CFAP54: variants seen among roughly 807,000 people sequenced by gnomAD.
CFAP54 encodes the protein cilia and flagella associated protein 54.
Under a neutral mutation model 370.4 loss-of-function variants are expected in CFAP54, and 290 were observed. The observed-to-expected ratio is 0.78, with a 90% CI of 0.71 to 0.86. CFAP54 has a LOEUF of 0.86. CFAP54 is among the 40% of genes least tolerant of loss of function. The probability of loss-of-function intolerance (pLI) is 0.00; values close to 1 mark genes in which losing one functional copy is unlikely to be tolerated. For missense variants in CFAP54, 3,399 were observed against 3,528.7 expected, an observed-to-expected ratio of 0.96 and a Z score of 0.93; for synonymous variants, 1,206 against 1,236.5, an observed-to-expected ratio of 0.98 and a Z score of 0.52.
chr12:96,555,215 C>T (rs766247380), intron 17 of CFAP54, among the ~76,000 whole-genome samples: 18 of 151,878 alleles, frequency 1.2e-4, no homozygotes, highest in Non-Finnish European at 1.3e-4. Flanking sequence ...GGGGTGGGCT[C>T]AGAGTATTAT....
intron 8 of CFAP54, among the ~76,000 whole-genome samples, chr12:96,526,751 T>C (rs1016721413): frequency 2.0e-5 from 3 of 152,182 alleles, no homozygotes; most frequent in Non-Finnish European, 4.4e-5. Flanking sequence ...TTTGATGTAA[T>C]GGCAGCATGA....
At chr12:96,612,645 T>G (rs533844946) in intron 26 of CFAP54, among the ~76,000 whole-genome samples, 121 of 152,150 alleles carry the variant, frequency 8.0e-4, no homozygotes, top group African/African-American at 2.7e-3. Flanking sequence ...AGGAGACCCA[T>G]CTCACATGCG....
chr12:96,502,273 C>T (rs1290726736), intron 2 of CFAP54, among the ~76,000 whole-genome samples: 2 of 151,592 alleles, frequency 1.3e-5, no homozygotes, highest in South Asian at 2.1e-4. Flanking sequence ...GGAATGTTGG[C>T]CAGGCTGGGC....
At chr12:96,728,438 C>A (rs907673239) in intron 50 of CFAP54, among the ~76,000 whole-genome samples, 1 of 152,274 alleles carries the variant, frequency 6.6e-6, no homozygotes, top group East Asian at 1.9e-4. Flanking sequence ...CATCTTCCAT[C>A]ACTGATACCC....
chr12:96,517,508 C>A (rs529167832), intron 5 of CFAP54, among the ~76,000 whole-genome samples: 1 of 152,158 alleles, frequency 6.6e-6, no homozygotes, highest in Non-Finnish European at 1.5e-5. Context: ...TCATATACCA[C>A]CCAACCCAAA....
intron 65 of CFAP54, among the ~76,000 whole-genome samples, chr12:96,825,620 A>C (rs1490126132): frequency 1.7e-5 from 2 of 119,428 alleles, no homozygotes; most frequent in Non-Finnish European, 3.1e-5. Context: ...ATATGATATA[A>C]TATATAATAT....
intron 15 of CFAP54, among the ~76,000 whole-genome samples, chr12:96,550,665 G>A (rs1369424593): frequency 6.6e-6 from 1 of 152,212 alleles, no homozygotes; most frequent in Non-Finnish European, 1.5e-5. Flanking sequence ...CCTCCTGGGA[G>A]AAAACACTTA....
intron 30 of CFAP54, among the ~76,000 whole-genome samples, chr12:96,629,526 G>A (rs901925331): frequency 2.2e-4 from 33 of 150,992 alleles, no homozygotes; most frequent in Admixed American, 7.2e-4. Context: ...TGTTAGCCAG[G>A]ATGGTCTCTA....
At chr12:96,584,221 T>C (rs7137543) in intron 22 of CFAP54, among the ~76,000 whole-genome samples, 42,981 of 151,992 alleles carry the variant, frequency 0.28, 7,056 homozygotes, top group African/African-American at 0.45. Flanking sequence ...CCCAGCACTT[T>C]GGCAGGCTGA....
chr12:96,788,843 T>C (rs1199174342), intron 62 of CFAP54, among the ~76,000 whole-genome samples: 1 of 152,156 alleles, frequency 6.6e-6, no homozygotes, highest in Admixed American at 6.5e-5. Context: ...TGCAATGTAT[T>C]GAAAGCACAC....
At position 96,492,957 on chromosome 12, in the gene CFAP54, T is replaced by C. The variant is rs118051031; in HGVS notation, c.317+3031T>C. Reference sequence around the variant, plus strand: ...TGCCAGTGTGCCGAGATCATGCCACTGCACTCCACCCTGGATGACAGAATG... The same window carrying C: ...TGCCAGTGTGCCGAGATCATGCCACCGCACTCCACCCTGGATGACAGAATG... On this transcript the variant is annotated intron_variant, in intron 1 of 67. Coordinates refer to ENST00000524981, the MANE Select transcript of CFAP54 (RefSeq NM_001306084.2). 2.0e-4 allele frequency among the ~76,000 whole-genome samples: 30 copies of C among 150,460 alleles called. 1 individual carries two copies. In the East Asian group the frequency reaches 5.9e-3, roughly 29 times the overall value.
intron 40 of CFAP54, among the ~76,000 whole-genome samples, chr12:96,680,925 A>C (rs1957262111): frequency 6.6e-6 from 1 of 152,182 alleles, no homozygotes; most frequent in African/African-American, 2.4e-5. Context: ...CTCTACTAAA[A>C]ATACAAAAAT....
At chr12:96,510,978 AAAAG>A (rs1955159687) in intron 4 of CFAP54, among the ~76,000 whole-genome samples, 1 of 151,694 alleles carries the variant, frequency 6.6e-6, no homozygotes, top group South Asian at 2.1e-4. Flanking sequence ...AAAAAAAAAA[AAAAG>A]AAATGAAAAA....
intron 14 of CFAP54, among the ~76,000 whole-genome samples, chr12:96,545,072 C>T (rs1354284436): frequency 2.0e-5 from 3 of 152,062 alleles, no homozygotes; most frequent in Admixed American, 1.3e-4. Flanking sequence ...CCACCACACC[C>T]AGCAATTTTT....
At chr12:96,543,796 T>A (rs1394363419) in intron 14 of CFAP54, among the ~76,000 whole-genome samples, 1 of 152,172 alleles carries the variant, frequency 6.6e-6, no homozygotes, top group Non-Finnish European at 1.5e-5. Context: ...CAGTTCACCC[T>A]AACTTCTAGG....
intron 50 of CFAP54, among the ~76,000 whole-genome samples, chr12:96,722,487 G>A (rs1159079468): frequency 6.6e-6 from 1 of 152,174 alleles, no homozygotes; most frequent in African/African-American, 2.4e-5. Context: ...AGTGAGTGAG[G>A]GGCAGAGTTG....
At position 96,685,206 on chromosome 12, in the gene CFAP54, G is replaced by T. The variant is rs558501592; in HGVS notation, c.5982G>T (p.Leu1994Phe). The change falls in exon 42 of 68, where the codon TTG (leucine) becomes TTT (phenylalanine). Residue 1994 changes from leucine (L) to phenylalanine (F), a missense_variant. By Grantham distance (22) the Leu-to-Phe change is conservative. Transcript: ENST00000524981. Reference protein sequence around the residue: ...FLSRVGIWGCLQGAVISAKIA... With the variant: ...FLSRVGIWGCFQGAVISAKIA... ...CAAGAGTTGGCATCTGGGGGTGTTT[G>T]CAAGGAGCAGTCATATCAGCAAAGA... 3 of 1,614,106 alleles carry T rather than the reference G, an allele frequency of 1.9e-6. No homozygotes were observed. In the South Asian group the frequency reaches 3.3e-5, roughly 18 times the overall value.
intron 39 of CFAP54, among the ~76,000 whole-genome samples, chr12:96,671,543 T>C (rs1272136069): frequency 1.3e-5 from 2 of 152,214 alleles, no homozygotes; most frequent in African/African-American, 4.8e-5. Flanking sequence ...CTTTGCTGAA[T>C]GAATGACTTT....
At chr12:96,499,582 A>G (rs993342777) in intron 1 of CFAP54, among the ~76,000 whole-genome samples, 1 of 152,134 alleles carries the variant, frequency 6.6e-6, no homozygotes, top group African/African-American at 2.4e-5. Context: ...ACATATTCTT[A>G]CCATAACATT....
Sources: gnomAD v4.1 joint callset for allele counts (sites outside exome capture counted in the v4.1 genomes callset) on GRCh38, gnomAD v4.1.1 for gene constraint, MANE v1.5 for transcripts, NCBI Gene and HGNC (gene_info 2026-07-23, HGNC 2026-07-21) for gene names.